Variants in MBD2 observed in about 807,000 individuals in gnomAD.
The protein encoded by MBD2 is methyl-CpG-binding domain protein 2.
In MBD2, 9 loss-of-function variants were observed where a neutral mutation model predicts 39.3. The observed-to-expected ratio is 0.23, with a 90% CI of 0.14 to 0.40. The LOEUF is 0.40. Ranked by LOEUF, MBD2 falls within the 10% of genes least tolerant of loss-of-function variation. MBD2 has a pLI of 1.00. For missense variants in MBD2, 458 were observed against 532.6 expected (o/e 0.86, Z 1.38); for synonymous variants, 233 against 211.1 (o/e 1.10, Z -0.90).
chr18:54,188,926 G>T lies in MBD2; in HGVS notation c.788C>A (p.Pro263His). The T allele has an allele frequency of 6.2e-7, 1 of 1,609,982 alleles. No individual in the cohort carries two copies. Among genetic ancestry groups the T allele is most frequent in the South Asian group, 1.1e-5 (1 of 90,430 alleles). The change falls in exon 3 of 7, where the codon CCT becomes CAT. Residue 263 changes from proline (P) to histidine (H), a missense_variant. By Grantham distance (77) the Pro-to-His change is moderately conservative. This residue lies in a region of MBD2 where 189 missense variants were observed against 296.6 expected (regional missense o/e 0.64). Coordinates refer to ENST00000256429, the MANE Select transcript of MBD2 (RefSeq NM_003927.5). The stretch of plus-strand genomic sequence containing the variant: ...TGGGTCTGATTTCACTTTATTACTA[G>T]GATGATTTGTGACTTTGGTTACCGG... The part of the protein sequence containing the change: ...KQPVTKVTNH[P>H]SNKVKSDPQR...
intron 2 of MBD2, chr18:54,202,919 G>T: frequency 9.3e-7 from 1 of 1,073,592 alleles, no homozygotes; most frequent in Non-Finnish European, 1.5e-6. Flanking sequence ...GATTGGTTCT[G>T]CCTGGAGTAT....
intron 3 of MBD2, among the ~76,000 whole-genome samples, chr18:54,181,694 G>A (rs2086252995): frequency 6.6e-6 from 1 of 151,950 alleles, no homozygotes; most frequent in Admixed American, 6.6e-5. Context: ...TAGAGACAGG[G>A]TTTCGCATCT....
At chr18:54,188,589 A>T (rs1329757300) in intron 3 of MBD2, among the ~76,000 whole-genome samples, 1 of 152,214 alleles carries the variant, frequency 6.6e-6, no homozygotes, top group Non-Finnish European at 1.5e-5. Context: ...ATAATCTTTA[A>T]AAAACTAAGA....
chr18:54,159,789 T>C lies in MBD2; in HGVS notation c.1224A>G (p.Gly408=). 6.2e-7 allele frequency: 1 copy of C among 1,610,764 alleles called. No individual in the cohort carries two copies. ...CCTGATCATATTCTTAGGCTTCATC[T>C]CCACTGTCCATTTCAATATCCATCT... ...TEEMDIEMDS[G]DEA Residue 408 remains glycine, a synonymous_variant, in exon 6 of 7, where the codon GGA becomes GGG. Transcript: ENST00000256429.
intron 2 of MBD2, among the ~76,000 whole-genome samples, chr18:54,203,277 T>C (rs2086423472): frequency 6.6e-6 from 1 of 152,332 alleles, no homozygotes; most frequent in Middle Eastern, 3.4e-3. Flanking sequence ...GAAGCCCCTT[T>C]TATAGGTACC....
intron 3 of MBD2, among the ~76,000 whole-genome samples, chr18:54,175,610 T>C (rs1400622016): frequency 6.6e-6 from 1 of 152,210 alleles, no homozygotes; most frequent in Non-Finnish European, 1.5e-5. Context: ...TTATTCACAC[T>C]GCTTCCCCCT....
chr18:54,182,270 A>G (rs2086256619), intron 3 of MBD2, among the ~76,000 whole-genome samples: 1 of 152,250 alleles, frequency 6.6e-6, no homozygotes, highest in Admixed American at 6.5e-5. Context: ...AGTTGTGATC[A>G]GAAAAGAAGA....
chr18:54,177,697 G>A (rs1221989418), intron 3 of MBD2, among the ~76,000 whole-genome samples: 1 of 151,840 alleles, frequency 6.6e-6, no homozygotes, highest in Non-Finnish European at 1.5e-5. Context: ...TAGCCAGGAT[G>A]ATCTCAATCT....
intron 1 of MBD2, among the ~76,000 whole-genome samples, chr18:54,221,350 C>A (rs1377014375): frequency 6.6e-6 from 1 of 150,452 alleles, no homozygotes; most frequent in Non-Finnish European, 1.5e-5. Flanking sequence ...CCCAGCTACT[C>A]GGGAGGCTGA....
chr18:54,223,983 A>C, intron 1 of MBD2, 35 bp downstream of exon 1: 132 of 745,086 alleles, frequency 1.8e-4, no homozygotes, highest in Non-Finnish European at 2.6e-4. Flanking sequence ...CCCCGGCCTG[A>C]CCCCGCCACC....
intron 1 of MBD2, among the ~76,000 whole-genome samples, chr18:54,215,135 C>T (rs2086546258): frequency 6.6e-6 from 1 of 152,186 alleles, no homozygotes; most frequent in Admixed American, 6.6e-5. Flanking sequence ...AAGCAAGATA[C>T]AAGCCCCGAT....
In MBD2 at chr18:54,153,331, G is replaced by A. The variant is rs1426572814; in HGVS notation, c.*1993C>T. 1 of 152,246 alleles carries A rather than the reference G, an allele frequency of 6.6e-6. No homozygotes were observed. The highest frequency in any genetic ancestry group is 1.5e-5 in the Non-Finnish European group (1 of 68,096). The allele number at this position is 152,246 out of a possible 1,614,324, so 9.4% of individuals were successfully genotyped here. A position where few individuals can be genotyped will look rare whatever the true frequency, so the allele number is the denominator to read the frequency against. ...AGGGTGGTAGGTTTGTGGGGACCAG[G>A]TGATGAAGTTTTGAACATGTTGTCT... On this transcript the variant is annotated 3_prime_UTR_variant, in exon 7 of 7. Coordinates refer to ENST00000256429, the MANE Select transcript of MBD2 (RefSeq NM_003927.5).
intron 3 of MBD2, among the ~76,000 whole-genome samples, chr18:54,184,487 T>G (rs1036091095): frequency 6.6e-6 from 1 of 152,086 alleles, no homozygotes; most frequent in African/African-American, 2.4e-5. Context: ...GCCAAAAAGG[T>G]TGGGGACTGC....
At chr18:54,205,198 T>G in intron 1 of MBD2, 41 bp from the exon 2 acceptor site, 2 of 1,572,900 alleles carry the variant, frequency 1.3e-6, no homozygotes, top group Non-Finnish European at 8.7e-7. Flanking sequence ...GGCAACAATA[T>G]TCTCCACATA....
At chr18:54,170,266 C>T (rs2086170907) in intron 3 of MBD2, among the ~76,000 whole-genome samples, 1 of 152,180 alleles carries the variant, frequency 6.6e-6, no homozygotes, top group African/African-American at 2.4e-5. Flanking sequence ...TTAGTGAGGT[C>T]AATGATCAAA....
rs2086644247 is a variant in MBD2 at position 54,224,366 on chromosome 18, T to G, written c.194A>C (p.Lys65Thr). ...RGGGRGRGRW[K>T]QAGRGGGVCG... ...GACGCCGCCGCCCCGGCCCGCCTGC[T>G]TCCACCGCCCCCGGCCACGGCCGCC... The change falls in exon 1 of 7, where the codon AAG becomes ACG. Residue 65 changes from lysine (K) to threonine (T), a missense_variant. By Grantham distance (78) the Lys-to-Thr change is moderately conservative. Transcript: ENST00000256429. 1 of 1,186,210 alleles carries G rather than the reference T, an allele frequency of 8.4e-7. No homozygotes were observed. 73.5% of individuals were successfully genotyped at this position (1,186,210 alleles called of 1,614,324 possible). A position where few individuals can be genotyped will look rare whatever the true frequency, so the allele number is the denominator to read the frequency against.
In MBD2 at chr18:54,152,439, T is replaced by C. The variant is rs1235266568; in HGVS notation, c.*2885A>G. ...GCCTTTTGACCATTCTTCCATTTAT[T>C]CAGCAAACAGTTACTGAGTGCTTAC... On this transcript the variant is annotated 3_prime_UTR_variant, in exon 7 of 7. Coordinates refer to ENST00000256429, the MANE Select transcript of MBD2 (RefSeq NM_003927.5). 3 of 152,242 alleles carry C rather than the reference T, an allele frequency of 2.0e-5. No homozygotes were observed. The highest frequency in any genetic ancestry group is 7.2e-5 in the African/African-American group (3 of 41,448). 9.4% of individuals were successfully genotyped at this position (152,242 alleles called of 1,614,324 possible).
At chr18:54,159,450 C>A (rs1241922569) in intron 6 of MBD2, among the ~76,000 whole-genome samples, 1 of 150,956 alleles carries the variant, frequency 6.6e-6, no homozygotes, top group East Asian at 1.9e-4. Flanking sequence ...TGGGGTTTCA[C>A]TCTGTCACCC....
At chr18:54,180,060 A>C (rs1032003809) in intron 3 of MBD2, among the ~76,000 whole-genome samples, 1 of 152,050 alleles carries the variant, frequency 6.6e-6, no homozygotes, top group Non-Finnish European at 1.5e-5. Context: ...CACAAAATCA[A>C]TTCATTTCTA....
Sources: gnomAD v4.1 joint callset for allele counts (sites outside exome capture counted in the v4.1 genomes callset) on GRCh38, gnomAD v4.1.1 for gene constraint, gnomAD v4.1.1 regional missense constraint, MANE v1.5 for transcripts, NCBI Gene and HGNC (gene_info 2026-07-23, HGNC 2026-07-21) for gene names.